The following NAV3 variants were observed in gnomAD, a reference collection of about 807,000 sequenced individuals.
The protein encoded by NAV3 is neuron navigator 3.
A neutral mutation model predicts 244.7 loss-of-function variants in NAV3; 87 were observed. That is an observed-to-expected ratio of 0.36 (90% CI 0.30 to 0.42). NAV3 has a LOEUF of 0.42. NAV3 is among the 20% of genes least tolerant of loss of function. NAV3 has a pLI of 1.00. For missense variants in NAV3, 2,663 were observed against 2,893.3 expected, an observed-to-expected ratio of 0.92 and a Z score of 1.83; for synonymous variants, 1,126 against 1,042.2, an observed-to-expected ratio of 1.08 and a Z score of -1.55.
At chr12:77,740,354 TAA>T (rs1434267990) in intron 2 of NAV3, among the ~76,000 whole-genome samples, 6 of 151,996 alleles carry the variant, frequency 3.9e-5, no homozygotes, top group Admixed American at 3.9e-4. Context: ...TAGAAAGTGA[TAA>T]GATGATATGC....
At chr12:77,598,049 T>C (rs940338723) in intron 2 of NAV3, among the ~76,000 whole-genome samples, 1 of 152,074 alleles carries the variant, frequency 6.6e-6, no homozygotes, top group Admixed American at 6.6e-5. Context: ...TGTATAACAA[T>C]GTATGCCACT....
intron 6 of NAV3, 51 bp from the exon 7 acceptor site, chr12:77,998,286 T>TTCAGC: frequency 7.3e-7 from 1 of 1,373,920 alleles, no homozygotes; most frequent in Non-Finnish European, 9.6e-7. Flanking sequence ...TCCTGCTTCT[T>TTCAGC]ACCTTTTTGT....
intron 2 of NAV3, among the ~76,000 whole-genome samples, chr12:77,617,518 G>A (rs887256672): frequency 4.6e-5 from 7 of 152,184 alleles, no homozygotes; most frequent in Admixed American, 4.6e-4. Flanking sequence ...AGAACCACCA[G>A]GTTTGTATGC....
At chr12:77,961,475 T>C (rs1173597184) in intron 3 of NAV3, among the ~76,000 whole-genome samples, 1 of 126,106 alleles carries the variant, frequency 7.9e-6, no homozygotes, top group Non-Finnish European at 1.6e-5. Flanking sequence ...CATATGTATC[T>C]ATTACATGTA....
chr12:77,967,463 A>G (rs921572425), intron 4 of NAV3, among the ~76,000 whole-genome samples: 1 of 152,108 alleles, frequency 6.6e-6, no homozygotes, highest in Non-Finnish European at 1.5e-5. Flanking sequence ...GGGTCATTTT[A>G]TATTAATTAT....
chr12:77,619,208 A>G (rs1413928051), intron 2 of NAV3, among the ~76,000 whole-genome samples: 1 of 152,182 alleles, frequency 6.6e-6, no homozygotes, highest in East Asian at 1.9e-4. Context: ...GTGCTTCTTC[A>G]GAAAATAGAG....
In NAV3 at chr12:77,911,933, T is replaced by A. The variant is rs535799388; in HGVS notation, c.244-28386T>A. ...CAGTCTTTATTATCAAACAGTTCTATGTTTAAATCAAGCCTTTACCTCACA... is the reference window on the plus strand; with the variant it reads ...CAGTCTTTATTATCAAACAGTTCTAAGTTTAAATCAAGCCTTTACCTCACA... On this transcript the variant is annotated intron_variant, in intron 1 of 39. Transcript: ENST00000397909. 5.3e-5 allele frequency among the ~76,000 whole-genome samples: 8 copies of A among 152,234 alleles called. No individual in the cohort carries two copies. The East Asian group carries it at 1.4e-3, about 26-fold the overall frequency.
intron 5 of NAV3, among the ~76,000 whole-genome samples, chr12:77,988,470 T>C (rs912608566): frequency 6.6e-6 from 1 of 152,182 alleles, no homozygotes; most frequent in East Asian, 1.9e-4. Flanking sequence ...TTCCATACTT[T>C]AAAAATAGTT....
At chr12:77,697,686 C>A (rs534464557) in intron 2 of NAV3, among the ~76,000 whole-genome samples, 2 of 152,178 alleles carry the variant, frequency 1.3e-5, no homozygotes, top group Non-Finnish European at 2.9e-5. Flanking sequence ...GATTGTATAA[C>A]AAACACCCTG....
intron 3 of NAV3, among the ~76,000 whole-genome samples, chr12:77,948,680 GC>G (rs148302246): frequency 7.6e-6 from 1 of 131,320 alleles, no homozygotes; most frequent in South Asian, 2.6e-4. Flanking sequence ...TTTTTCAATT[GC>G]CCCCCCACCA....
intron 7 of NAV3, among the ~76,000 whole-genome samples, chr12:78,000,789 C>T (rs1429562483): frequency 2.0e-5 from 3 of 151,160 alleles, no homozygotes; most frequent in Non-Finnish European, 4.4e-5. Flanking sequence ...AGGCGTGAGC[C>T]ACCGCGCCCG....
chr12:77,579,883 C>T (rs1869270795), intron 2 of NAV3, among the ~76,000 whole-genome samples: 1 of 152,174 alleles, frequency 6.6e-6, no homozygotes, highest in Non-Finnish European at 1.5e-5. Context: ...TTCTGTCTTC[C>T]TCCAGTTTTC....
chr12:77,648,065 CCAAA>C (rs1356462381), intron 2 of NAV3, among the ~76,000 whole-genome samples: 1 of 151,990 alleles, frequency 6.6e-6, no homozygotes, highest in Non-Finnish European at 1.5e-5. Context: ...CTATCAATGG[CCAAA>C]CAGATTTTGG....
chr12:77,929,111 A>G (rs1415059966), intron 1 of NAV3, among the ~76,000 whole-genome samples: 3 of 152,166 alleles, frequency 2.0e-5, no homozygotes, highest in Admixed American at 1.3e-4. Flanking sequence ...ATGCATATCA[A>G]TGTAGTTTAT....
In NAV3 at chr12:77,882,041, C is replaced by T. The variant is rs1220125813; in HGVS notation, c.243+50337C>T. 2.6e-5 allele frequency among the ~76,000 whole-genome samples: 4 copies of T among 152,086 alleles called. No homozygotes were observed. In the East Asian group the frequency reaches 5.8e-4, roughly 22 times the overall value. ...ATGCAATGCTATTCCTATCAGACTA[C>T]GAATGGAATTTTTCATAGAATTAGA... On this transcript the variant is annotated intron_variant, in intron 1 of 39. Coordinates refer to ENST00000397909, the MANE Select transcript of NAV3 (RefSeq NM_001024383.2).
chr12:77,903,836 A>T (rs1885616232), intron 1 of NAV3, among the ~76,000 whole-genome samples: 1 of 152,220 alleles, frequency 6.6e-6, no homozygotes, highest in Non-Finnish European at 1.5e-5. Flanking sequence ...TGGGTGAAGG[A>T]TATGAACAGG....
rs1593190004 is a variant in NAV3 at position 77,982,374 on chromosome 12, A to T, written c.672-12429A>T. On this transcript the variant is annotated intron_variant, in intron 5 of 39. Coordinates refer to ENST00000397909, the MANE Select transcript of NAV3 (RefSeq NM_001024383.2). ...ATACATCAGATATGTGGCTAAGATA[A>T]AGTGATGTTCCTCTTCAAATCACCC... Among the ~76,000 whole-genome samples the T allele has an allele frequency of 3.3e-5, 2 of 61,380 alleles. 1 individual carries two copies. Among genetic ancestry groups the T allele is most frequent in the East Asian group, 1.2e-3 (2 of 1,720 alleles). The allele number at this position is 61,380 out of a possible 152,430, so 40.3% of individuals were successfully genotyped here. A position where few individuals can be genotyped will look rare whatever the true frequency, so the allele number is the denominator to read the frequency against.
At chr12:78,071,244 T>G (rs553574370) in intron 12 of NAV3, among the ~76,000 whole-genome samples, 8 of 152,324 alleles carry the variant, frequency 5.3e-5, no homozygotes, top group African/African-American at 1.9e-4. Flanking sequence ...TGATTGCCAT[T>G]CTAACTGGTG....
exon 2 of NAV3, chr12:77,571,924 T>C (rs568259367): frequency 5.3e-5 from 8 of 152,324 alleles, no homozygotes; most frequent in African/African-American, 1.7e-4. Context: ...AGATAGCAGT[T>C]GAAGTCAAAA....
Sources: allele counts gnomAD v4.1 joint callset (sites outside exome capture counted in the v4.1 genomes callset), GRCh38; gene constraint gnomAD v4.1.1; transcripts MANE v1.5; gene names NCBI Gene and HGNC (gene_info 2026-07-23, HGNC 2026-07-21).